PDE6A: variants seen among roughly 807,000 people sequenced by gnomAD.
PDE6A encodes phosphodiesterase 6A.
A neutral mutation model predicts 106.3 loss-of-function variants in PDE6A; 84 were observed. The observed-to-expected ratio is 0.79, with a 90% confidence interval of 0.66 to 0.95. The LOEUF (loss-of-function observed/expected upper bound fraction) is 0.95, where lower values mean the gene tolerates loss of function less well. Ranked by LOEUF, PDE6A falls within the 40% of genes least tolerant of loss-of-function variation. PDE6A has a pLI of 0.00. For synonymous variants in PDE6A, 394 were observed against 386.6 expected (o/e 1.02, Z -0.23); for missense variants, 1,052 against 1,084.9 (o/e 0.97, Z 0.43).
intron 4 of PDE6A, among the ~76,000 whole-genome samples, chr5:149,925,175 A>G (rs982342562): frequency 2.6e-5 from 4 of 152,168 alleles, no homozygotes; most frequent in African/African-American, 7.2e-5. Flanking sequence ...CAGACAATTC[A>G]CGGAAAAATC....
rs569764131 is a variant in PDE6A, at chr5:149,897,231, G to A, written c.1408-455C>T. On this transcript the variant is annotated intron_variant, in intron 10 of 21. Coordinates refer to ENST00000255266, the MANE Select transcript of PDE6A (RefSeq NM_000440.3). The stretch of plus-strand genomic sequence containing the variant: ...TGGGAGTAAGGAGGCCTTGGACATA[G>A]TCCTAGTTCTTCCTCTCATTTACTG... Among the ~76,000 whole-genome samples, 3 of 152,358 alleles carry A rather than the reference G, an allele frequency of 2.0e-5. No homozygotes were observed. In the South Asian group the frequency reaches 6.2e-4, roughly 32 times the overall value.
intron 4 of PDE6A, among the ~76,000 whole-genome samples, chr5:149,926,211 C>T (rs1753860279): frequency 6.6e-6 from 1 of 151,860 alleles, no homozygotes; most frequent in African/African-American, 2.4e-5. Context: ...CACTGCACTC[C>T]ACGCTGGGCA....
At chr5:149,936,155 A>C (rs553159895) in intron 1 of PDE6A, among the ~76,000 whole-genome samples, 1 of 146,912 alleles carries the variant, frequency 6.8e-6, no homozygotes, top group African/African-American at 2.5e-5. Flanking sequence ...CCCTGTCTCT[A>C]AAAAAGGAAG....
chr5:149,930,453 G>A (rs1165526921), intron 4 of PDE6A, among the ~76,000 whole-genome samples: 1 of 152,222 alleles, frequency 6.6e-6, no homozygotes, highest in Non-Finnish European at 1.5e-5. Flanking sequence ...TCATAAGGCA[G>A]AAGCAAATAA....
chr5:149,936,131 G>A (rs1260376473), intron 1 of PDE6A, among the ~76,000 whole-genome samples: 1 of 133,576 alleles, frequency 7.5e-6, no homozygotes, highest in African/African-American at 3.6e-5. Flanking sequence ...TTTACCCTGG[G>A]TGACAGAGCA....
intron 4 of PDE6A, among the ~76,000 whole-genome samples, chr5:149,928,685 GCGGGC>G (rs1198563103): frequency 3.8e-4 from 58 of 152,186 alleles, no homozygotes; most frequent in Non-Finnish European, 5.6e-4. Context: ...CATGGTATAG[GCGGGC>G]CATCATTGAT....
At chr5:149,870,138 G>C (rs1760480662) in intron 17 of PDE6A, among the ~76,000 whole-genome samples, 2 of 151,954 alleles carry the variant, frequency 1.3e-5, no homozygotes, top group South Asian at 4.1e-4. Flanking sequence ...AAAATACACA[G>C]ATTAGCCAGG....
chr5:149,886,034 C>G (rs1183817576), intron 14 of PDE6A, among the ~76,000 whole-genome samples: 1 of 152,212 alleles, frequency 6.6e-6, no homozygotes, highest in South Asian at 2.1e-4. Context: ...TGCACAGTCC[C>G]TTTTGTATGT....
chr5:149,865,073 C>G (rs1023980937), intron 20 of PDE6A, among the ~76,000 whole-genome samples: 1 of 152,014 alleles, frequency 6.6e-6, no homozygotes, highest in African/African-American at 2.4e-5. Context: ...AACCCCGTCT[C>G]TACTAAAAAT....
chr5:149,858,816 C>CTTTTTTTTTTTTTTTTTTTTTTTTTTTT lies in PDE6A; in HGVS notation c.*2078_*2079insAAAAAAAAAAAAAAAAAAAAAAAAAAAA, dbSNP rs764134058. 2.5e-5 allele frequency: 2 copies of CTTTTTTTTTTTTTTTTTTTTTTTTTTTT among 79,116 alleles called. 1 individual carries two copies. The allele number at this position is 79,116 out of a possible 1,614,324, so 4.9% of individuals were successfully genotyped here. ...AAGAGAGAAATTCTATCTGCCACAT[C>CTTTTTTTTTTTTTTTTTTTTTTTTTTTT]TTTTTTTTTTCTTTTTTTTTTTTTT... is the stretch of plus-strand genomic sequence containing the variant. On this transcript the variant is annotated 3_prime_UTR_variant, in exon 22 of 22. Transcript: ENST00000255266.
chr5:149,865,287 G>C (rs1378761204), intron 20 of PDE6A, among the ~76,000 whole-genome samples: 1 of 150,700 alleles, frequency 6.6e-6, no homozygotes, highest in East Asian at 1.9e-4. Flanking sequence ...GTGTGCACCT[G>C]TGGTCCCAGC....
At chr5:149,932,936 C>T (rs1041070481) in intron 3 of PDE6A, among the ~76,000 whole-genome samples, 9 of 152,318 alleles carry the variant, frequency 5.9e-5, no homozygotes, top group South Asian at 2.1e-4. Context: ...GGCACAGCAC[C>T]GGCGGAGTGG....
intron 17 of PDE6A, among the ~76,000 whole-genome samples, chr5:149,875,353 T>C (rs995537098): frequency 4.6e-5 from 7 of 152,142 alleles, no homozygotes; most frequent in Non-Finnish European, 8.8e-5. Flanking sequence ...TCTCCCAATA[T>C]TTTTCGTTAA....
At chr5:149,907,448 T>TTTA in intron 6 of PDE6A, 70 bp from the exon 7 acceptor site, 1 of 1,244,746 alleles carries the variant, frequency 8.0e-7, no homozygotes, top group Middle Eastern at 1.9e-4. Context: ...AAAATCTGGG[T>TTTA]GTTTGCGCTC....
chr5:149,910,874 CTTTTTTTTTT>C (rs386405293), intron 6 of PDE6A, among the ~76,000 whole-genome samples: 5 of 87,144 alleles, frequency 5.7e-5, no homozygotes, highest in Admixed American at 4.8e-4. Flanking sequence ...TTTCTTTTTC[CTTTTTTTTTT>C]TTTTTTTTTT....
chr5:149,880,055 C>T (rs558833354), intron 17 of PDE6A, among the ~76,000 whole-genome samples: 1 of 152,298 alleles, frequency 6.6e-6, no homozygotes, highest in Non-Finnish European at 1.5e-5. Flanking sequence ...TAGGACAGAA[C>T]TGCCTTTAGT....
At chr5:149,889,906 C>CAAAAAAAAAAAAAAA (rs577626508) in intron 13 of PDE6A, among the ~76,000 whole-genome samples, 1 of 81,670 alleles carries the variant, frequency 1.2e-5, no homozygotes. Flanking sequence ...GACTCTGTCT[C>CAAAAAAAAAAAAAAA]AAAAAAAAAA....
At chr5:149,899,293 T>C (rs76082232) in intron 9 of PDE6A, 82 bp downstream of exon 9, 56,065 of 1,417,520 alleles carry the variant, frequency 0.04, 1,655 homozygotes, top group African/African-American at 0.14. Context: ...TGCTGCCCCA[T>C]GTGATAGCGC....
chr5:149,895,759 G>C (rs1381443070), intron 12 of PDE6A, among the ~76,000 whole-genome samples: 2 of 152,162 alleles, frequency 1.3e-5, no homozygotes, highest in Non-Finnish European at 2.9e-5. Flanking sequence ...GTGTGTGTGT[G>C]TGTGTGTCTG....
Sources: gnomAD v4.1 joint callset for allele counts (sites outside exome capture counted in the v4.1 genomes callset) on GRCh38, gnomAD v4.1.1 for gene constraint, MANE v1.5 for transcripts, NCBI Gene and HGNC (gene_info 2026-07-23, HGNC 2026-07-21) for gene names.